The following OPA1 variants were observed in gnomAD, a reference collection of about 807,000 sequenced individuals.
The protein encoded by OPA1 is OPA1 mitochondrial dynamin like GTPase.
In OPA1, 59 loss-of-function variants were observed where a neutral mutation model predicts 152.9. The ratio of observed to expected loss-of-function variants is 0.39; its 90% confidence interval spans 0.31 to 0.48. OPA1 has a LOEUF of 0.48. Among genes scored for constraint, OPA1 ranks in the 20% least tolerant of loss-of-function variants. OPA1 has a pLI of 0.96. For synonymous variants in OPA1, 400 were observed against 389.9 expected, an observed-to-expected ratio of 1.03 and a Z score of -0.31; for missense variants, 1,008 against 1,216.8, an observed-to-expected ratio of 0.83 and a Z score of 2.55.
chr3:193,682,727 G>A (rs1720343035), intron 29 of OPA1, among the ~76,000 whole-genome samples: 1 of 152,138 alleles, frequency 6.6e-6, no homozygotes, highest in Non-Finnish European at 1.5e-5. Flanking sequence ...ATGGTTTACT[G>A]AATATTATAA....
At chr3:193,639,069 T>A (rs998479183) in intron 11 of OPA1, among the ~76,000 whole-genome samples, 3 of 152,160 alleles carry the variant, frequency 2.0e-5, no homozygotes, top group Non-Finnish European at 2.9e-5. Flanking sequence ...TGAAGGAGAT[T>A]GTGACTTGGT....
At chr3:193,615,895 T>C (rs1031807282) in intron 3 of OPA1, 125 bp downstream of exon 3, 54 of 686,308 alleles carry the variant, frequency 7.9e-5, no homozygotes, top group Middle Eastern at 3.7e-4. Context: ...ATATAAGTAA[T>C]AGAATATCAA....
chr3:193,680,029 C>G (rs1719881093), intron 29 of OPA1, among the ~76,000 whole-genome samples: 1 of 152,122 alleles, frequency 6.6e-6, no homozygotes, highest in East Asian at 1.9e-4. Flanking sequence ...AATACCTGTT[C>G]TTCTTGTGCT....
intron 8 of OPA1, among the ~76,000 whole-genome samples, chr3:193,633,167 T>C (rs771028220): frequency 5.1e-4 from 78 of 152,134 alleles, no homozygotes; most frequent in Non-Finnish European, 1.0e-3. Context: ...GTAAGAGTCA[T>C]TGGTCACAAA....
At chr3:193,663,032 A>ATG in intron 26 of OPA1, 70 bp downstream of exon 26, 1 of 1,491,398 alleles carries the variant, frequency 6.7e-7, no homozygotes, top group Non-Finnish European at 9.3e-7. Context: ...ATGTTACTAC[A>ATG]TGTGTTAGTT....
chr3:193,664,746 C>T, intron 26 of OPA1, 134 bp from the exon 27 acceptor site: 1 of 629,574 alleles, frequency 1.6e-6, no homozygotes, highest in Non-Finnish European at 2.8e-6. Context: ...ATTTGAATAA[C>T]TATGTAAAGA....
In OPA1 at chr3:193,648,121, G is replaced by A. The variant is rs1711516103; in HGVS notation, c.1922G>A (p.Arg641Gln). The change falls in exon 20 of 31, where the codon CGG becomes CAG. Residue 641 changes from arginine (R) to glutamine (Q), a missense_variant. Arg to Gln is a conservative substitution (Grantham distance 43). Transcript: ENST00000361510. ...TEWKNNYPRL[R>Q]ELDRNELFEK... ...TGGAAGAATAACTATCCTCGCCTGC[G>A]GGAACTTGACCGGGTAATATTTGGA... 3.7e-6 allele frequency: 6 copies of A among 1,611,644 alleles called. No homozygotes were observed. Among genetic ancestry groups the A allele is most frequent in the African/African-American group, 1.3e-5 (1 of 74,816 alleles).
At chr3:193,693,657 C>T (rs1363859378) in intron 30 of OPA1, among the ~76,000 whole-genome samples, 1 of 152,120 alleles carries the variant, frequency 6.6e-6, no homozygotes, top group Non-Finnish European at 1.5e-5. Flanking sequence ...AAAGTGAAGA[C>T]AGATATATGG....
At chr3:193,658,462 T>C (rs911745039) in intron 23 of OPA1, among the ~76,000 whole-genome samples, 4 of 152,190 alleles carry the variant, frequency 2.6e-5, no homozygotes, top group Admixed American at 6.5e-5. Flanking sequence ...CTGGGAATAA[T>C]GGTTAATAAT....
chr3:193,630,461 A>G (rs1731903873), intron 7 of OPA1, among the ~76,000 whole-genome samples: 1 of 151,896 alleles, frequency 6.6e-6, no homozygotes, highest in Non-Finnish European at 1.5e-5. Context: ...ATTTAGAAAT[A>G]GGAATTAAAA....
intron 1 of OPA1, among the ~76,000 whole-genome samples, chr3:193,595,364 A>C (rs919781181): frequency 6.6e-6 from 1 of 152,380 alleles, no homozygotes; most frequent in South Asian, 2.1e-4. Context: ...AAAGAATTAC[A>C]TATTAGGAAA....
At chr3:193,593,518 G>A in intron 1 of OPA1, 109 bp downstream of exon 1, 2 of 1,110,010 alleles carry the variant, frequency 1.8e-6, no homozygotes, top group Non-Finnish European at 2.4e-6. Context: ...CCAGGCCGAC[G>A]GCAGTTGGAG....
intron 28 of OPA1, among the ~76,000 whole-genome samples, chr3:193,666,714 T>C (rs1359531598): frequency 1.3e-5 from 2 of 151,974 alleles, no homozygotes; most frequent in Non-Finnish European, 2.9e-5. Flanking sequence ...ACTTGAGCCC[T>C]AGGATTTTGA....
chr3:193,604,917 C>T (rs1319952305), intron 1 of OPA1, among the ~76,000 whole-genome samples: 1 of 151,482 alleles, frequency 6.6e-6, no homozygotes, highest in Non-Finnish European at 1.5e-5. Flanking sequence ...CATTGAAGCC[C>T]TGTGACCTTT....
intron 8 of OPA1, 52 bp downstream of exon 8, chr3:193,631,717 T>A (rs750190085): frequency 2.4e-5 from 34 of 1,421,380 alleles, no homozygotes; most frequent in Non-Finnish European, 3.2e-5. Flanking sequence ...TATATTCGAA[T>A]GTAACTTTGG....
In OPA1 at chr3:193,605,691, GA is replaced by G. The variant is rs560893264; in HGVS notation, c.33-9028del. Among the ~76,000 whole-genome samples, 133 of 152,274 alleles carry G rather than the reference GA, an allele frequency of 8.7e-4. 1 individual carries two copies. The highest frequency in any genetic ancestry group is 3.1e-3 in the African/African-American group (128 of 41,552). ...TCTTAAGATTATTTCTGTTTCTGAG[GA>G]AAATTTTAGGTGCCCTTTTAGCTTT... On this transcript the variant is annotated intron_variant, in intron 1 of 30. Transcript: ENST00000361510.
chr3:193,657,042 A>G, intron 22 of OPA1, 38 bp from the exon 23 acceptor site: 1 of 1,560,748 alleles, frequency 6.4e-7, no homozygotes, highest in Non-Finnish European at 8.7e-7. Flanking sequence ...TGAAGTATGT[A>G]GTAATAATAT....
intron 27 of OPA1, among the ~76,000 whole-genome samples, chr3:193,665,606 A>G (rs899981561): frequency 2.0e-5 from 3 of 152,160 alleles, no homozygotes; most frequent in African/African-American, 7.2e-5. Flanking sequence ...ATTTTCTTAC[A>G]AGCAAAAATG....
At chr3:193,594,083 C>A (rs764259963) in intron 1 of OPA1, among the ~76,000 whole-genome samples, 3 of 152,090 alleles carry the variant, frequency 2.0e-5, no homozygotes, top group Admixed American at 1.3e-4. Flanking sequence ...ATCATTGTTG[C>A]CCTGGGGTGG....
Sources: allele counts gnomAD v4.1 joint callset (sites outside exome capture counted in the v4.1 genomes callset), GRCh38; gene constraint gnomAD v4.1.1; transcripts MANE v1.5; gene names NCBI Gene and HGNC (gene_info 2026-07-23, HGNC 2026-07-21).